Variants in NCOR2 observed in about 807,000 individuals in gnomAD.
NCOR2 encodes nuclear receptor corepressor 2, also known as CTG repeat protein 26.
Under a neutral mutation model 262.9 loss-of-function variants are expected in NCOR2, and 81 were observed. The ratio of observed to expected loss-of-function variants is 0.31; its 90% CI spans 0.26 to 0.37. The LOEUF (loss-of-function observed/expected upper bound fraction) is 0.37. NCOR2 is among the 10% of genes least tolerant of loss of function. The pLI is 1.00. For missense variants in NCOR2, 3,385 were observed against 3,621.4 expected (o/e 0.93, Z 1.68); for synonymous variants, 1,659 against 1,559.3 (o/e 1.06, Z -1.51).
In NCOR2 at chr12:124,392,132, C is replaced by T. The variant is rs182098065; in HGVS notation, c.1876+5987G>A. Among the ~76,000 whole-genome samples the T allele has an allele frequency of 5.3e-5, 8 of 152,360 alleles. No homozygotes were observed. In the East Asian group the frequency reaches 1.5e-3, roughly 29 times the overall value. On this transcript the variant is annotated intron_variant, in intron 16 of 46. Transcript: ENST00000405201. ...CAGGCATCATTACTACCGCATCGAC[C>T]GCCAGGTGCTCCTTCCCTGAGTCAG...
intron 16 of NCOR2, chr12:124,388,899 AGGGAGGGAGGGACGC>A: frequency 5.5e-6 from 1 of 182,794 alleles, no homozygotes; most frequent in Non-Finnish European, 9.2e-6. Flanking sequence ...GGAGGGAGCG[AGGGAGGGAGGGACGC>A]GGCGGGCGGA....
intron 16 of NCOR2, among the ~76,000 whole-genome samples, chr12:124,390,247 C>T (rs2041197181): frequency 6.6e-6 from 1 of 152,206 alleles, no homozygotes; most frequent in African/African-American, 2.4e-5. Flanking sequence ...CCACATGAAG[C>T]TCTTGGAATA....
intron 27 of NCOR2, 31 bp from the exon 30 acceptor site, chr12:124,350,768 GGC>G: frequency 1.3e-6 from 2 of 1,596,892 alleles, no homozygotes; most frequent in Non-Finnish European, 1.7e-6. Flanking sequence ...GCGCCCAGGA[GGC>G]TGCAGCCCAG....
At chr12:124,461,213 C>T (rs1220502465) in intron 5 of NCOR2, among the ~76,000 whole-genome samples, 3 of 152,354 alleles carry the variant, frequency 2.0e-5, no homozygotes, top group East Asian at 1.9e-4. Context: ...CTTTGGGGGC[C>T]GAGGTCTCTG....
At chr12:124,335,303 CA>C (rs1240458384) in intron 39 of NCOR2, 23 bp from the exon 42 acceptor site, 8 of 1,559,048 alleles carry the variant, frequency 5.1e-6, no homozygotes, top group Non-Finnish European at 6.9e-6. Flanking sequence ...CAGAGCTGGT[CA>C]GGGGGTGTCT....
chr12:124,438,808 GAC>G (rs2044570053), intron 7 of NCOR2, among the ~76,000 whole-genome samples: 1 of 94,288 alleles, frequency 1.1e-5, no homozygotes, highest in African/African-American at 3.9e-5. Flanking sequence ...GAGAGAGAGA[GAC>G]GGAGACCCAG....
chr12:124,340,315 G>C, exon 36 of NCOR2: 11 of 1,612,130 alleles, frequency 6.8e-6, no homozygotes, highest in Non-Finnish European at 9.3e-6. Flanking sequence ...ATGGGTGCGT[G>C]CTCCACCGTC....
chr12:124,397,225 G>A (rs529112946), intron 16 of NCOR2, among the ~76,000 whole-genome samples: 1 of 152,206 alleles, frequency 6.6e-6, no homozygotes, highest in Non-Finnish European at 1.5e-5. Flanking sequence ...GACAGCCCCT[G>A]CCCCAGGCCA....
intron 2 of NCOR2, among the ~76,000 whole-genome samples, chr12:124,485,756 C>T (rs932218778): frequency 1.3e-5 from 2 of 152,216 alleles, no homozygotes; most frequent in African/African-American, 4.8e-5. Flanking sequence ...AAACAAGAGC[C>T]CATCCCTCAA....
chr12:124,335,318 GGCCCCAGGGCTGCTGGGCCCAAATCCCA>G, intron 39 of NCOR2, 38 bp from the exon 42 acceptor site: 1 of 1,531,440 alleles, frequency 6.5e-7, no homozygotes, highest in Non-Finnish European at 8.8e-7. Flanking sequence ...GGTGTCTGCT[GGCCCCAGGGCTGCTGGGCCCAAATCCCA>G]GCCCCATGCC....
chr12:124,435,524 C>G (rs1050894106), intron 8 of NCOR2, among the ~76,000 whole-genome samples: 5 of 152,220 alleles, frequency 3.3e-5, no homozygotes, highest in African/African-American at 1.2e-4. Context: ...TCTCCTCCCT[C>G]TAGTACCCAA....
In NCOR2 at chr12:124,457,691, C is replaced by G. The variant is rs1187274189; in HGVS notation, c.706-529G>C. On this transcript the variant is annotated intron_variant, in intron 5 of 46. Coordinates refer to ENST00000405201, the Ensembl canonical transcript of NCOR2. The surrounding 1 kb of genome is among the most constrained non-coding windows in gnomAD (Gnocchi z 4.0). ...TCATGTGATTATTTCTGGGCTGCCC[C>G]GGGGCCTCCCCGCCTCCTCCCCACT... 6.6e-6 allele frequency among the ~76,000 whole-genome samples: 1 copy of G among 152,158 alleles called. No individual in the cohort carries two copies. The highest frequency in any genetic ancestry group is 2.4e-5 in the African/African-American group (1 of 41,428).
intron 1 of NCOR2, among the ~76,000 whole-genome samples, chr12:124,547,719 G>A (rs2051583601): frequency 6.6e-6 from 1 of 152,020 alleles, no homozygotes; most frequent in South Asian, 2.1e-4. Flanking sequence ...CTGTCTCCAT[G>A]GGTTTGCCTG....
intron 12 of NCOR2, 57 bp from the exon 15 acceptor site, chr12:124,420,112 G>A (rs2136293831): frequency 4.1e-6 from 6 of 1,452,262 alleles, no homozygotes; most frequent in Non-Finnish European, 5.7e-6. Context: ...TTCAGGGCAG[G>A]AGCCAGGAGC....
intron 16 of NCOR2, among the ~76,000 whole-genome samples, chr12:124,392,258 G>A (rs2041358314): frequency 6.6e-6 from 1 of 152,142 alleles, no homozygotes; most frequent in African/African-American, 2.4e-5. Flanking sequence ...GCAAGAGTGT[G>A]GTCCAGACCC....
chr12:124,469,143 T>C (rs1304237220), intron 4 of NCOR2, among the ~76,000 whole-genome samples: 4 of 151,992 alleles, frequency 2.6e-5, no homozygotes, highest in Non-Finnish European at 5.9e-5. Context: ...CAAGGTCAGA[T>C]GGAAGGCCAA....
At chr12:124,362,226 C>A in exon 22 of NCOR2, 1 of 1,311,004 alleles carries the variant, frequency 7.6e-7, no homozygotes, top group East Asian at 2.8e-5. Flanking sequence ...TTTGCGGTGG[C>A]GGTGGGGCTG....
intron 41 of NCOR2, 94 bp downstream of exon 43, chr12:124,334,328 CAT>C (rs1593096114): frequency 2.2e-6 from 2 of 891,368 alleles, no homozygotes; most frequent in East Asian, 6.3e-5. Flanking sequence ...AGGCGGGCCT[CAT>C]ATGCAGCTGA....
intron 7 of NCOR2, among the ~76,000 whole-genome samples, chr12:124,448,618 G>A (rs552595236): frequency 6.6e-6 from 1 of 151,914 alleles, no homozygotes; most frequent in African/African-American, 2.4e-5. Context: ...CTAGCAAGGA[G>A]AGATTTTCTA....
Sources: allele counts gnomAD v4.1 joint callset (sites outside exome capture counted in the v4.1 genomes callset), GRCh38; gene constraint gnomAD v4.1.1; non-coding constraint Gnocchi (gnomAD v3.1); transcripts MANE v1.5; gene names NCBI Gene and HGNC (gene_info 2026-07-23, HGNC 2026-07-21).